Variants in KNTC1 observed in about 807,000 individuals in gnomAD.
KNTC1 encodes the protein kinetochore associated 1, also known as kinetochore-associated protein 1.
KNTC1 carries 253 observed loss-of-function variants against 314.4 expected under a neutral mutation model. The observed-to-expected ratio is 0.80, with a 90% CI of 0.73 to 0.89. The LOEUF (loss-of-function observed/expected upper bound fraction) is 0.89. Ranked by LOEUF, KNTC1 falls within the 40% of genes least tolerant of loss-of-function variation. KNTC1 has a pLI of 0.00. For synonymous variants in KNTC1, 901 were observed against 901.4 expected, an observed-to-expected ratio of 1.00 and a Z score of 0.01; for missense variants, 2,475 against 2,572.9, an observed-to-expected ratio of 0.96 and a Z score of 0.82.
intron 48 of KNTC1, 38 bp downstream of exon 48, chr12:122,603,281 AAAAAAAGTACTCTTT>A (rs749683671): frequency 1.9e-5 from 26 of 1,363,736 alleles, no homozygotes; most frequent in Admixed American, 5.2e-5. Flanking sequence ...TTAAAAAAAA[AAAAAAAGTACTCTTT>A]TTGCATCTTT....
intron 4 of KNTC1, among the ~76,000 whole-genome samples, chr12:122,539,010 G>C (rs1056090268): frequency 1.3e-5 from 2 of 152,244 alleles, no homozygotes; most frequent in Non-Finnish European, 2.9e-5. Context: ...CTGGTCAGGT[G>C]CTTAGCAGGA....
chr12:122,590,762 A>G (rs771380677), intron 41 of KNTC1, 27 bp downstream of exon 41: 3 of 1,598,770 alleles, frequency 1.9e-6, no homozygotes, highest in South Asian at 1.1e-5. Flanking sequence ...CACACCTTCA[A>G]TTCTTGAAGT....
intron 20 of KNTC1, chr12:122,563,794 CCA>C: frequency 1.4e-6 from 2 of 1,476,120 alleles, no homozygotes; most frequent in South Asian, 1.5e-5. Flanking sequence ...GATGACTCTT[CCA>C]CAGTTTTTTC....
At chr12:122,611,029 G>T in intron 53 of KNTC1, 129 bp downstream of exon 53, 1 of 687,724 alleles carries the variant, frequency 1.5e-6, no homozygotes, top group South Asian at 1.8e-5. Flanking sequence ...TGTATTCAAA[G>T]TCTGTCTCAT....
rs2137650948 is a variant in KNTC1 at position 122,532,908 on chromosome 12, C to T, written c.130-1756C>T. ...ATTGTCGGTTGGGCAGTTTAAGGAG[C>T]ATTTCCTTAAGAAACTATGTGTGAG... On this transcript the variant is annotated intron_variant, in intron 2 of 63. Transcript: ENST00000333479. Among the ~76,000 whole-genome samples, 3 of 152,238 alleles carry T rather than the reference C, an allele frequency of 2.0e-5. No homozygotes were observed. The South Asian group carries it at 6.2e-4, about 32-fold the overall frequency.
chr12:122,626,097 T>A, intron 63 of KNTC1, 108 bp from the exon 64 acceptor site: 2 of 752,414 alleles, frequency 2.7e-6, no homozygotes, highest in Non-Finnish European at 4.6e-6. Context: ...AATAGTTTGA[T>A]ATGTAGATTT....
intron 22 of KNTC1, among the ~76,000 whole-genome samples, chr12:122,570,504 C>A (rs1425910446): frequency 6.7e-6 from 1 of 148,704 alleles, no homozygotes; most frequent in African/African-American, 2.5e-5. Flanking sequence ...ATGAGCGAAA[C>A]CCTGTCTCAA....
chr12:122,605,313 T>G lies in KNTC1; in HGVS notation c.5394T>G (p.His1798Gln). ...NSSGTDYPDIHAAAKEIAEVN... is the reference protein window; with the variant it reads ...NSSGTDYPDIQAAAKEIAEVN... ...TTATTTTGAATATCTTAGATATTCATGCAGCAGCTAAAGAAATAGCCGAAG... is the reference window on the plus strand; with the variant it reads ...TTATTTTGAATATCTTAGATATTCAGGCAGCAGCTAAAGAAATAGCCGAAG... The change falls in exon 51 of 64, where the codon CAT becomes CAG. Residue 1798 changes from histidine (H) to glutamine (Q), a missense_variant. Physicochemically the swap from His to Gln is conservative, Grantham distance 24. Coordinates refer to ENST00000333479, the MANE Select transcript of KNTC1 (RefSeq NM_014708.6). 6.3e-7 allele frequency: 1 copy of G among 1,583,416 alleles called. No individual in the cohort carries two copies. Among genetic ancestry groups the G allele is most frequent in the African/African-American group, 1.3e-5 (1 of 74,082 alleles).
Position 122,587,746 on chromosome 12 carries a change from T to C in KNTC1, c.3766T>C (p.Ser1256Pro), listed in dbSNP as rs1869571010. 6.2e-7 allele frequency: 1 copy of C among 1,613,726 alleles called. No homozygotes were observed. The highest frequency in any genetic ancestry group is 8.5e-7 in the Non-Finnish European group (1 of 1,179,794). Residue 1256 changes from serine to proline, a missense_variant, in exon 39 of 64, where the codon TCT becomes CCT. Ser to Pro is a moderately conservative substitution (Grantham distance 74). Coordinates refer to ENST00000333479, the MANE Select transcript of KNTC1 (RefSeq NM_014708.6). ...GLVLPVINSI[S>P]ALLQNLQESS... ...TGTTTTACCTGTTATAAATTCCATC[T>C]CTGCCCTGCTTCAGAATCTTCAGGA...
In KNTC1 at chr12:122,579,801, G is replaced by T. The variant is rs144203118; in HGVS notation, c.2842-104G>T. On this transcript the variant is annotated intron_variant, in intron 31 of 63. Transcript: ENST00000333479. ...TTTCTCAGCTGCCCAACTCCTCCAC[G>T]ATTGTTTTTTCTGCTTCTGTGGTTT... 3 of 753,928 alleles carry T rather than the reference G, an allele frequency of 4.0e-6. No homozygotes were observed. The African/African-American group carries it at 5.2e-5, about 13-fold the overall frequency. The allele number at this position is 753,928 out of a possible 1,614,324, so 46.7% of individuals were successfully genotyped here. A position where few individuals can be genotyped will look rare whatever the true frequency, so the allele number is the denominator to read the frequency against.
intron 2 of KNTC1, among the ~76,000 whole-genome samples, chr12:122,532,690 A>G (rs1331115111): frequency 6.6e-6 from 1 of 152,206 alleles, no homozygotes; most frequent in African/African-American, 2.4e-5. Context: ...AACATCTGCT[A>G]TGTTCTGAGC....
At chr12:122,574,638 T>A (rs1461748691) in intron 27 of KNTC1, among the ~76,000 whole-genome samples, 1 of 152,202 alleles carries the variant, frequency 6.6e-6, no homozygotes, top group Admixed American at 6.5e-5. Flanking sequence ...TTTGTATTTT[T>A]TGTAGAGACA....
At chr12:122,609,126 T>G (rs376871032) in intron 51 of KNTC1, 2 of 411,076 alleles carry the variant, frequency 4.9e-6, no homozygotes. Flanking sequence ...GAACATTTGC[T>G]TTATTTACTC....
chr12:122,553,473 T>C (rs910829355), intron 16 of KNTC1, among the ~76,000 whole-genome samples: 3 of 151,908 alleles, frequency 2.0e-5, no homozygotes, highest in African/African-American at 7.3e-5. Flanking sequence ...TGCAATAAGA[T>C]TGGCCTGTTA....
intron 24 of KNTC1, among the ~76,000 whole-genome samples, chr12:122,572,346 G>T (rs987256847): frequency 9.2e-5 from 14 of 151,996 alleles, no homozygotes; most frequent in Non-Finnish European, 1.8e-4. Context: ...AGTGAGCCGA[G>T]ATTGTGCCAC....
intron 51 of KNTC1, 81 bp downstream of exon 51, chr12:122,605,496 A>G: frequency 1.9e-5 from 13 of 677,312 alleles, no homozygotes; most frequent in Admixed American, 2.8e-5. Context: ...TTTATCCCAC[A>G]TGATACAGCC....
Position 122,620,396 on chromosome 12 carries a change from C to G in KNTC1, c.6150-83C>G, listed in dbSNP as rs1445416802. 10 of 1,294,578 alleles carry G rather than the reference C, an allele frequency of 7.7e-6. No individual in the cohort carries two copies. In the African/African-American group the frequency reaches 1.3e-4, roughly 17 times the overall value. The allele number at this position is 1,294,578 out of a possible 1,614,324, so 80.2% of individuals were successfully genotyped here. A position where few individuals can be genotyped will look rare whatever the true frequency, so the allele number is the denominator to read the frequency against. On this transcript the variant is annotated intron_variant, in intron 59 of 63. Coordinates refer to ENST00000333479, the MANE Select transcript of KNTC1 (RefSeq NM_014708.6). ...TAAAATTATTGAAAACTTGGACAGG[C>G]AGATGACTATGGAAAGCTAGAAAGG...
At chr12:122,619,757 C>T (rs1874210795) in intron 59 of KNTC1, among the ~76,000 whole-genome samples, 1 of 152,166 alleles carries the variant, frequency 6.6e-6, no homozygotes, top group South Asian at 2.1e-4. Context: ...TTTACAATGT[C>T]TACTTCCCAT....
intron 61 of KNTC1, 111 bp from the exon 62 acceptor site, chr12:122,622,351 T>A: frequency 9.7e-7 from 1 of 1,029,020 alleles, no homozygotes; most frequent in Non-Finnish European, 1.4e-6. Context: ...CTTCCGATTG[T>A]CAGAAATGTT....
Sources: allele counts gnomAD v4.1 joint callset (sites outside exome capture counted in the v4.1 genomes callset), GRCh38; gene constraint gnomAD v4.1.1; transcripts MANE v1.5; gene names NCBI Gene and HGNC (gene_info 2026-07-23, HGNC 2026-07-21).